Variants in FGFR1OP2 observed in about 807,000 individuals in gnomAD.
FGFR1OP2 encodes the protein FGFR1 oncogene partner 2.
In FGFR1OP2, 17 loss-of-function variants were observed where a neutral mutation model predicts 35.2. The ratio of observed to expected loss-of-function variants is 0.48; its 90% CI spans 0.33 to 0.73. The LOEUF is 0.73. Ranked by LOEUF, FGFR1OP2 falls within the 30% of genes least tolerant of loss-of-function variation. The pLI, the probability that FGFR1OP2 is intolerant of heterozygous loss-of-function variation, is 0.02. For synonymous variants in FGFR1OP2, 105 were observed against 104.6 expected (o/e 1.00, Z -0.03); for missense variants, 251 against 307.3 (o/e 0.82, Z 1.37).
chr12:26,947,684 T>C (rs1478578337), intron 1 of FGFR1OP2, among the ~76,000 whole-genome samples: 1 of 152,172 alleles, frequency 6.6e-6, no homozygotes, highest in African/African-American at 2.4e-5. Context: ...GCCCGGCCTG[T>C]CCTTTTACTT....
chr12:26,951,588 G>A (rs892244983), intron 1 of FGFR1OP2, among the ~76,000 whole-genome samples: 19 of 152,096 alleles, frequency 1.2e-4, no homozygotes, highest in African/African-American at 4.3e-4. Flanking sequence ...CCAAAGTGCT[G>A]GGATTACAGG....
intron 2 of FGFR1OP2, among the ~76,000 whole-genome samples, chr12:26,955,920 A>G (rs898396898): frequency 2.0e-5 from 3 of 152,210 alleles, no homozygotes; most frequent in African/African-American, 7.2e-5. Context: ...CAGCTATGCC[A>G]AGCTTGTCCG....
chr12:26,953,306 C>T (rs906725433), intron 1 of FGFR1OP2, among the ~76,000 whole-genome samples: 2 of 111,928 alleles, frequency 1.8e-5, no homozygotes, highest in African/African-American at 6.9e-5. Context: ...TAAAAGATTT[C>T]AAGGAGGGTA....
chr12:26,964,875 G>A lies in FGFR1OP2; in HGVS notation c.*142G>A. 1.3e-6 allele frequency: 1 copy of A among 763,352 alleles called. No individual in the cohort carries two copies. The highest frequency in any genetic ancestry group is 2.0e-6 in the Non-Finnish European group (1 of 498,800). 47.3% of individuals were successfully genotyped at this position (763,352 alleles called of 1,614,324 possible). A position where few individuals can be genotyped will look rare whatever the true frequency, so the allele number is the denominator to read the frequency against. On this transcript the variant is annotated 3_prime_UTR_variant, in exon 7 of 7. Transcript: ENST00000229395. ...GGGCTATGAGATAGCAACAAAAAATGCATAGTTAATGGTCATAGACTTTAT... is the reference window on the plus strand; with the variant it reads ...GGGCTATGAGATAGCAACAAAAAATACATAGTTAATGGTCATAGACTTTAT...
At chr12:26,939,320 G>A (rs1185307318) in intron 1 of FGFR1OP2, among the ~76,000 whole-genome samples, 6 of 151,308 alleles carry the variant, frequency 4.0e-5, no homozygotes. Flanking sequence ...CTTCCATAGA[G>A]TTATTCTGAA....
At chr12:26,949,541 T>C (rs900057037) in intron 1 of FGFR1OP2, among the ~76,000 whole-genome samples, 2 of 152,182 alleles carry the variant, frequency 1.3e-5, no homozygotes, top group African/African-American at 4.8e-5. Flanking sequence ...GCCATTTTTT[T>C]CTACTTAAAT....
intron 1 of FGFR1OP2, among the ~76,000 whole-genome samples, chr12:26,948,015 C>T (rs1042715109): frequency 6.6e-6 from 1 of 152,034 alleles, no homozygotes; most frequent in African/African-American, 2.4e-5. Context: ...TTAGGAATTA[C>T]AATATATGTA....
intron 1 of FGFR1OP2, among the ~76,000 whole-genome samples, chr12:26,940,752 A>T (rs1384429212): frequency 3.3e-5 from 5 of 152,242 alleles, no homozygotes; most frequent in African/African-American, 1.2e-4. Flanking sequence ...ATCAGTAAAC[A>T]TTCATTGATC....
In FGFR1OP2 at chr12:26,956,597, A is replaced by G; in HGVS notation, c.190A>G (p.Thr64Ala). The G allele has an allele frequency of 1.9e-6, 3 of 1,606,474 alleles. No homozygotes were observed. In the South Asian group the frequency reaches 3.3e-5, roughly 18 times the overall value. Reference sequence around the variant, plus strand: ...AGTCGCGAGACATCGGCCACGGTCCACGTTAGTTATGGGAATCCAGCAAGA... The same window carrying G: ...AGTCGCGAGACATCGGCCACGGTCCGCGTTAGTTATGGGAATCCAGCAAGA... ...NEVARHRPRS[T>A]LVMGIQQENR... The change falls in exon 3 of 7, where the codon ACG (threonine) becomes GCG (alanine). Residue 64 changes from threonine to alanine, a missense_variant. Thr to Ala is a moderately conservative substitution (Grantham distance 58). Transcript: ENST00000229395.
intron 1 of FGFR1OP2, among the ~76,000 whole-genome samples, chr12:26,940,442 G>C (rs569801534): frequency 6.2e-4 from 94 of 152,260 alleles, no homozygotes; most frequent in African/African-American, 9.4e-4. Flanking sequence ...CACATACAGC[G>C]ATGTGCCTTT....
chr12:26,956,714 T>A (rs1056023522), intron 3 of FGFR1OP2, 54 bp downstream of exon 3: 7 of 1,062,654 alleles, frequency 6.6e-6, no homozygotes, highest in Non-Finnish European at 8.3e-6. Flanking sequence ...TATTCCTAAA[T>A]CGTATTTATT....
At chr12:26,941,049 T>C (rs1259108564) in intron 1 of FGFR1OP2, among the ~76,000 whole-genome samples, 1 of 151,934 alleles carries the variant, frequency 6.6e-6, no homozygotes, top group African/African-American at 2.4e-5. Context: ...GCAAAAGTCT[T>C]TGGGTGGTAA....
chr12:26,938,872 C>T (rs1382084193), intron 1 of FGFR1OP2, among the ~76,000 whole-genome samples, 162 bp downstream of exon 1: 5 of 152,220 alleles, frequency 3.3e-5, no homozygotes, highest in Admixed American at 2.6e-4. Context: ...GGGAGCCGGA[C>T]TTCCTCTCCG....
chr12:26,959,478 A>G (rs921654711), intron 4 of FGFR1OP2, among the ~76,000 whole-genome samples: 1 of 152,196 alleles, frequency 6.6e-6, no homozygotes, highest in African/African-American at 2.4e-5. Context: ...TCTAAAGCGA[A>G]GAATACCATT....
chr12:26,958,054 T>A (rs1221922780), intron 4 of FGFR1OP2: 3 of 190,408 alleles, frequency 1.6e-5, no homozygotes, highest in African/African-American at 7.1e-5. Context: ...TAGGGCTATA[T>A]ACTTTTAAGA....
intron 1 of FGFR1OP2, among the ~76,000 whole-genome samples, chr12:26,943,787 T>A (rs1043426793): frequency 1.3e-5 from 2 of 152,156 alleles, no homozygotes; most frequent in Non-Finnish European, 2.9e-5. Flanking sequence ...ATCGTACCGC[T>A]GCACTCCAGC....
chr12:26,946,640 T>G (rs1938827050), intron 1 of FGFR1OP2, among the ~76,000 whole-genome samples: 1 of 152,346 alleles, frequency 6.6e-6, no homozygotes, highest in African/African-American at 2.4e-5. Flanking sequence ...CCACTCTAGC[T>G]CTTTTCTTAA....
intron 1 of FGFR1OP2, among the ~76,000 whole-genome samples, chr12:26,946,793 G>A (rs571569280): frequency 6.6e-6 from 1 of 152,276 alleles, no homozygotes; most frequent in Admixed American, 6.5e-5. Context: ...CGCGCAAAAA[G>A]AAACCGTATG....
rs964398935 is a variant in FGFR1OP2, at chr12:26,966,550, T to TG, written c.*1817_*1818insG. 1 of 151,790 alleles carries TG rather than the reference T, an allele frequency of 6.6e-6. No individual in the cohort carries two copies. Among genetic ancestry groups the TG allele is most frequent in the African/African-American group, 2.4e-5 (1 of 41,362 alleles). 9.4% of individuals were successfully genotyped at this position (151,790 alleles called of 1,614,324 possible). Reference sequence around the variant, plus strand: ...GACACATTTCCATCCTATTTTTTTTTTTTTTTTGGTTGTTGTTAAACAGAA... The same window carrying TG: ...GACACATTTCCATCCTATTTTTTTTTGTTTTTTTGGTTGTTGTTAAACAGAA... On this transcript the variant is annotated 3_prime_UTR_variant, in exon 7 of 7. Coordinates refer to ENST00000229395, the MANE Select transcript of FGFR1OP2 (RefSeq NM_015633.3).
Sources: gnomAD v4.1 joint callset for allele counts (sites outside exome capture counted in the v4.1 genomes callset) on GRCh38, gnomAD v4.1.1 for gene constraint, MANE v1.5 for transcripts, NCBI Gene and HGNC (gene_info 2026-07-23, HGNC 2026-07-21) for gene names.